ZNF280C: variants seen among roughly 807,000 people sequenced by gnomAD.
ZNF280C encodes zinc finger protein 280C, also known as suppressor of hairy wing homolog 3.
Under a neutral mutation model 53.6 loss-of-function variants are expected in ZNF280C, and 14 were observed. The ratio of observed to expected loss-of-function variants is 0.26; its 90% confidence interval spans 0.17 to 0.41. The LOEUF is 0.41. Among genes scored for constraint, ZNF280C ranks in the 10% least tolerant of loss-of-function variants. The probability of loss-of-function intolerance (pLI) is 1.00; values close to 1 mark genes in which losing one functional copy is unlikely to be tolerated. For synonymous variants in ZNF280C, 203 were observed against 181.1 expected, an observed-to-expected ratio of 1.12 and a Z score of -0.97; for missense variants, 416 against 547.1, an observed-to-expected ratio of 0.76 and a Z score of 2.39.
intron 1 of ZNF280C, among the ~76,000 whole-genome samples, chrX:130,261,310 A>C (rs1291563267): frequency 8.9e-6 from 1 of 112,437 alleles, no homozygotes; most frequent in Non-Finnish European, 1.9e-5. Flanking sequence ...TGAACATACC[A>C]TATATTCTAC....
chrX:130,239,621 G>A lies in ZNF280C; in HGVS notation c.454C>T (p.Leu152=), dbSNP rs760603776. The part of the protein sequence containing the change: ...ILLFDSTQES[L]PPSQDIPAIF... ...GCTGGTATGTCTTGGGATGGTGGTAGTGATTCCTGGGTCGAGTCAAACAGT... is the reference window on the plus strand; with the variant it reads ...GCTGGTATGTCTTGGGATGGTGGTAATGATTCCTGGGTCGAGTCAAACAGT... Residue 152 remains leucine (L), a synonymous_variant, in exon 6 of 19, where the codon CTA becomes TTA. Transcript: ENST00000370978. 2.5e-6 allele frequency: 3 copies of A among 1,204,130 alleles called. No individual in the cohort carries two copies. The Admixed American group carries it at 6.5e-5, about 26-fold the overall frequency.
intron 15 of ZNF280C, among the ~76,000 whole-genome samples, chrX:130,212,275 G>C (rs2032048513): frequency 9.0e-6 from 1 of 111,723 alleles, no homozygotes; most frequent in South Asian, 3.7e-4. Context: ...TGGGTCTCAG[G>C]GAAACTCGGC....
At chrX:130,220,236 C>T (rs1603240748) in intron 13 of ZNF280C, 113 bp downstream of exon 13, 7 of 648,739 alleles carry the variant, frequency 1.1e-5, no homozygotes, top group Non-Finnish European at 6.4e-6. Context: ...TATAGTTGCC[C>T]TAGTGAGCTT....
chrX:130,219,486 C>CAAA (rs11299878), intron 13 of ZNF280C, among the ~76,000 whole-genome samples: 5 of 32,742 alleles, frequency 1.5e-4, no homozygotes, highest in African/African-American at 1.5e-4. Context: ...GACTCTGTCT[C>CAAA]AAAAAAAAAA....
intron 10 of ZNF280C, among the ~76,000 whole-genome samples, chrX:130,228,711 G>GC (rs1189850880): frequency 1.0e-5 from 1 of 95,567 alleles, no homozygotes; most frequent in Non-Finnish European, 2.0e-5. Context: ...ATTGATCATA[G>GC]CATTCTATAG....
chrX:130,205,476 T>C, intron 16 of ZNF280C, 61 bp from the exon 17 acceptor site: 2 of 808,123 alleles, frequency 2.5e-6, no homozygotes, highest in African/African-American at 2.1e-5. Flanking sequence ...CCATATGAGC[T>C]CAATAATTAC....
rs2032718226 is a variant in ZNF280C at position 130,268,762 on chromosome X, C to CGA, written c.-19_-18dup. On this transcript the variant is annotated splice_region_variant and 5_prime_UTR_variant, in exon 1 of 19. Coordinates refer to ENST00000370978, the MANE Select transcript of ZNF280C (RefSeq NM_017666.5). ...ACAGGCGGGGGCGGGGGCCGCTTAC[C>CGA]GAGAGCAGAGCAGATCGGTCTGACT... 1 of 112,125 alleles carries CGA rather than the reference C, an allele frequency of 8.9e-6. No individual in the cohort carries two copies. Among genetic ancestry groups the CGA allele is most frequent in the Non-Finnish European group, 1.9e-5 (1 of 53,056 alleles). 9.2% of individuals were successfully genotyped at this position (112,125 alleles called of 1,213,427 possible).
chrX:130,215,696 G>T (rs1388215994), intron 14 of ZNF280C, 95 bp downstream of exon 14: 8 of 865,661 alleles, frequency 9.2e-6, no homozygotes, highest in Non-Finnish European at 1.3e-5. Flanking sequence ...CCAGATAAGT[G>T]ATTATCATGT....
chrX:130,243,708 T>A lies in ZNF280C; in HGVS notation c.245-9A>T. The A allele has an allele frequency of 8.3e-7, 1 of 1,198,335 alleles. No individual in the cohort carries two copies. The highest frequency in any genetic ancestry group is 1.1e-6 in the Non-Finnish European group (1 of 888,580). On this transcript the variant is annotated splice_polypyrimidine_tract_variant and intron_variant, in intron 4 of 18. Transcript: ENST00000370978. ...GAATATTTCAGGAATACCTGTATTT[T>A]AAAATTATACAACATATTGAATATA...
chrX:130,236,745 A>G (rs2032339163), intron 6 of ZNF280C, 106 bp from the exon 7 acceptor site: 1 of 483,181 alleles, frequency 2.1e-6, no homozygotes. Context: ...AACTGAGCAA[A>G]AACAGTTTGG....
intron 2 of ZNF280C, among the ~76,000 whole-genome samples, chrX:130,258,302 T>C (rs1047921273): frequency 1.8e-5 from 2 of 111,782 alleles, no homozygotes; most frequent in African/African-American, 6.5e-5. Context: ...GTAATTTTAC[T>C]ATATTAAAAT....
In ZNF280C at chrX:130,244,607, C is replaced by G. The variant is rs1014339616; in HGVS notation, c.179-742G>C. Among the ~76,000 whole-genome samples, 21 of 108,640 alleles carry G rather than the reference C, an allele frequency of 1.9e-4. No homozygotes were observed. In the Middle Eastern group the frequency reaches 0.014, roughly 73 times the overall value. 94.3% of individuals were successfully genotyped at this position (108,640 alleles called of 115,157 possible). A position where few individuals can be genotyped will look rare whatever the true frequency, so the allele number is the denominator to read the frequency against. ...CCTGGCTAACATGGTGAAACCCTGT[C>G]TCTACTAAAAATACAAAAAAATTAG... On this transcript the variant is annotated intron_variant, in intron 3 of 18. Coordinates refer to ENST00000370978, the MANE Select transcript of ZNF280C (RefSeq NM_017666.5).
chrX:130,211,146 C>T (rs172332), intron 15 of ZNF280C, among the ~76,000 whole-genome samples: 58,365 of 110,449 alleles, frequency 0.53, 12,616 homozygotes, highest in African/African-American at 0.83. Context: ...TCCAAGAAAA[C>T]ATCCTCAGAA....
At chrX:130,246,625 T>A (rs1348466860) in intron 3 of ZNF280C, among the ~76,000 whole-genome samples, 2 of 112,057 alleles carry the variant, frequency 1.8e-5, no homozygotes, top group East Asian at 2.8e-4. Flanking sequence ...TAACCCTCAA[T>A]TAACTTAGTT....
At chrX:130,242,997 A>T (rs1184676408) in intron 5 of ZNF280C, among the ~76,000 whole-genome samples, 1 of 111,566 alleles carries the variant, frequency 9.0e-6, no homozygotes, top group East Asian at 2.8e-4. Flanking sequence ...TTTTTCACTC[A>T]TATTTAGATA....
chrX:130,211,351 A>G (rs1380110086), intron 15 of ZNF280C, among the ~76,000 whole-genome samples: 1 of 112,364 alleles, frequency 8.9e-6, no homozygotes, highest in African/African-American at 3.2e-5. Flanking sequence ...ATCAAGAATA[A>G]GAAAAACTAC....
chrX:130,244,948 A>G (rs1303000175), intron 3 of ZNF280C, among the ~76,000 whole-genome samples: 1 of 111,277 alleles, frequency 9.0e-6, no homozygotes, highest in Non-Finnish European at 1.9e-5. Flanking sequence ...AAACAACTTG[A>G]TAATGTTTTC....
chrX:130,242,295 A>G (rs1156493992), intron 5 of ZNF280C, among the ~76,000 whole-genome samples: 6 of 111,943 alleles, frequency 5.4e-5, no homozygotes, highest in African/African-American at 1.6e-4. Context: ...TAAAGATGCC[A>G]TAAGAATTAA....
chrX:130,204,845 G>A lies in ZNF280C; in HGVS notation c.*132C>T, dbSNP rs2031954682. 6.1e-6 allele frequency: 3 copies of A among 488,403 alleles called. No individual in the cohort carries two copies. The highest frequency in any genetic ancestry group is 9.5e-6 in the Non-Finnish European group (3 of 314,371). The allele number at this position is 488,403 out of a possible 1,213,427, so 40.2% of individuals were successfully genotyped here. ...TGGCATCTGAAAGCTGAAAAGAGCT[G>A]AATAATGAGAGCTAGTGTCATAAAC... On this transcript the variant is annotated 3_prime_UTR_variant, in exon 19 of 19. Coordinates refer to ENST00000370978, the MANE Select transcript of ZNF280C (RefSeq NM_017666.5).
Sources: allele counts gnomAD v4.1 joint callset (sites outside exome capture counted in the v4.1 genomes callset), GRCh38; gene constraint gnomAD v4.1.1; transcripts MANE v1.5; gene names NCBI Gene and HGNC (gene_info 2026-07-23, HGNC 2026-07-21).